The following AUH variants were observed in gnomAD, a reference collection of about 807,000 sequenced individuals.
AUH encodes AU RNA binding methylglutaconyl-CoA hydratase.
A neutral mutation model predicts 42.3 loss-of-function variants in AUH; 29 were observed. The observed-to-expected ratio is 0.69, with a 90% CI of 0.51 to 0.93. The LOEUF is 0.93. Among genes scored for constraint, AUH ranks in the 40% least tolerant of loss-of-function variants. The probability of loss-of-function intolerance (pLI) is 0.00; values close to 1 mark genes in which losing one functional copy is unlikely to be tolerated. For missense variants in AUH, 452 were observed against 438.1 expected, an observed-to-expected ratio of 1.03 and a Z score of -0.28; for synonymous variants, 174 against 166.4, an observed-to-expected ratio of 1.05 and a Z score of -0.35.
chr9:91,257,889 C>T lies in AUH; in HGVS notation c.656-36897G>A, dbSNP rs564412986. 1.1e-4 allele frequency among the ~76,000 whole-genome samples: 16 copies of T among 152,296 alleles called. No individual in the cohort carries two copies. The South Asian group carries it at 3.3e-3, about 32-fold the overall frequency. On this transcript the variant is annotated intron_variant, in intron 6 of 9. Coordinates refer to ENST00000375731, the MANE Select transcript of AUH (RefSeq NM_001698.3). Reference sequence around the variant, plus strand: ...TCAAAATACTTCATCTTCTGATCCACGAACACATTATGTCTCCATTTAAGT... The same window carrying T: ...TCAAAATACTTCATCTTCTGATCCATGAACACATTATGTCTCCATTTAAGT...
Position 91,257,251 on chromosome 9 carries a change from T to G in AUH, c.656-36259A>C, listed in dbSNP as rs77073324. Among the ~76,000 whole-genome samples, 540 of 152,078 alleles carry G rather than the reference T, an allele frequency of 3.6e-3. 20 individuals are homozygous for G. The East Asian group carries it at 0.09, about 25-fold the overall frequency. On this transcript the variant is annotated intron_variant, in intron 6 of 9. Coordinates refer to ENST00000375731, the MANE Select transcript of AUH (RefSeq NM_001698.3). ...GCCATTATTTGGAAACAGCTAGTAG[T>G]CTCTGCCACAGAGACTACTAGAGAC...
At chr9:91,221,267 C>A (rs1827118404) in intron 6 of AUH, among the ~76,000 whole-genome samples, 1 of 152,184 alleles carries the variant, frequency 6.6e-6, no homozygotes, top group Admixed American at 6.5e-5. Flanking sequence ...TGAGTCCAAT[C>A]CACAGTCATC....
chr9:91,353,820 C>CA (rs56842895), intron 3 of AUH, among the ~76,000 whole-genome samples: 1,730 of 27,596 alleles, frequency 0.063, 293 homozygotes, highest in Non-Finnish European at 0.081. Context: ...GACTCCGTCT[C>CA]AAAAAAAAAA....
intron 3 of AUH, among the ~76,000 whole-genome samples, chr9:91,327,694 G>A (rs1374330459): frequency 6.6e-6 from 1 of 152,214 alleles, no homozygotes; most frequent in African/African-American, 2.4e-5. Context: ...CCCCTGGCCG[G>A]CTCGCCAAGC....
At chr9:91,302,341 G>C (rs1827851911) in intron 4 of AUH, among the ~76,000 whole-genome samples, 1 of 152,076 alleles carries the variant, frequency 6.6e-6, no homozygotes. Context: ...TGTAATCCCA[G>C]CACTTTGGGA....
intron 6 of AUH, among the ~76,000 whole-genome samples, chr9:91,293,497 T>G (rs1349619982): frequency 1.3e-5 from 2 of 152,242 alleles, no homozygotes; most frequent in Non-Finnish European, 2.9e-5. Flanking sequence ...AACATTCCCC[T>G]AAGCCAAAGC....
chr9:91,240,997 G>A (rs1049971503), intron 6 of AUH, among the ~76,000 whole-genome samples: 2 of 152,174 alleles, frequency 1.3e-5, no homozygotes, highest in East Asian at 1.9e-4. Context: ...CGATAAGTGC[G>A]TTCTGTGGTC....
At chr9:91,278,862 A>G (rs1310901901) in intron 6 of AUH, among the ~76,000 whole-genome samples, 2 of 152,230 alleles carry the variant, frequency 1.3e-5, no homozygotes, top group East Asian at 1.9e-4. Context: ...ACTTGGATGA[A>G]TATCAAAATA....
chr9:91,316,216 G>A (rs568388419), intron 4 of AUH, among the ~76,000 whole-genome samples: 39 of 152,168 alleles, frequency 2.6e-4, no homozygotes, highest in Non-Finnish European at 5.0e-4. Context: ...AGCTAGTCAA[G>A]ATGAGGAATT....
Position 91,217,139 on chromosome 9 carries a change from A to T in AUH, c.894+138T>A, listed in dbSNP as rs531787520. ...AAATGACGTACTTGCAAGGAACTTCAGTAGCTTTCAGTAATAGTAGCATTT... is the reference window on the plus strand; with the variant it reads ...AAATGACGTACTTGCAAGGAACTTCTGTAGCTTTCAGTAATAGTAGCATTT... On this transcript the variant is annotated intron_variant, in intron 8 of 9. Transcript: ENST00000375731. 61 of 852,220 alleles carry T rather than the reference A, an allele frequency of 7.2e-5. No homozygotes were observed. The South Asian group carries it at 9.5e-4, about 13-fold the overall frequency. The allele number at this position is 852,220 out of a possible 1,614,324, so 52.8% of individuals were successfully genotyped here.
chr9:91,272,405 G>A (rs1245446558), intron 6 of AUH, among the ~76,000 whole-genome samples: 1 of 152,162 alleles, frequency 6.6e-6, no homozygotes, highest in Non-Finnish European at 1.5e-5. Flanking sequence ...TCCCGTCAGT[G>A]TCCTGGGCCA....
intron 6 of AUH, among the ~76,000 whole-genome samples, chr9:91,252,569 G>C (rs991726545): frequency 3.9e-5 from 6 of 152,134 alleles, no homozygotes; most frequent in African/African-American, 1.4e-4. Flanking sequence ...AACAAAGACT[G>C]TGTGTGGCCA....
At chr9:91,227,102 G>C (rs1827545970) in intron 6 of AUH, among the ~76,000 whole-genome samples, 1 of 151,036 alleles carries the variant, frequency 6.6e-6, no homozygotes, top group South Asian at 2.1e-4. Context: ...GGCATTGGTA[G>C]CTTGATGGGG....
intron 6 of AUH, among the ~76,000 whole-genome samples, chr9:91,238,864 G>A (rs1052486799): frequency 6.6e-6 from 1 of 152,168 alleles, no homozygotes; most frequent in Non-Finnish European, 1.5e-5. Flanking sequence ...GCTGCCTCTT[G>A]GGAGCCATGA....
intron 3 of AUH, among the ~76,000 whole-genome samples, chr9:91,345,151 A>G (rs1431035421): frequency 6.6e-6 from 1 of 152,170 alleles, no homozygotes; most frequent in East Asian, 1.9e-4. Context: ...AGAAAAGACA[A>G]AGACGAACAC....
Position 91,361,654 on chromosome 9 carries a change from A to G in AUH, c.236T>C (p.Val79Ala). The G allele has an allele frequency of 6.3e-7, 1 of 1,582,010 alleles. No individual in the cohort carries two copies. Among genetic ancestry groups the G allele is most frequent in the Non-Finnish European group, 8.6e-7 (1 of 1,164,772 alleles). The change falls in exon 1 of 10, where the codon GTG becomes GCG. Residue 79 changes from valine to alanine, a missense_variant. Transcript: ENST00000375731. Reference sequence around the variant, plus strand: ...TCGGTTCTCCTCCTCCAGGTGCCGCACCCGCAGCTCGTCCTCCGTCTTCAT... The same window carrying G: ...TCGGTTCTCCTCCTCCAGGTGCCGCGCCCGCAGCTCGTCCTCCGTCTTCAT... Reference protein sequence around the residue: ...SEMKTEDELRVRHLEEENRGI... With the variant: ...SEMKTEDELRARHLEEENRGI...
chr9:91,358,440 C>T (rs575861949), intron 1 of AUH, among the ~76,000 whole-genome samples: 1 of 152,256 alleles, frequency 6.6e-6, no homozygotes, highest in African/African-American at 2.4e-5. Flanking sequence ...GTTACTTAAC[C>T]TCTGTGATCC....
At position 91,214,436 on chromosome 9, in the gene AUH, C is replaced by A; in HGVS notation, c.943-11G>T. 1 of 1,588,284 alleles carries A rather than the reference C, an allele frequency of 6.3e-7. No individual in the cohort carries two copies. ...TTTTGTTGGAATGGTCTAAGAAAAACAAAATATTAAATATGTCAAAAATGT... is the reference window on the plus strand; with the variant it reads ...TTTTGTTGGAATGGTCTAAGAAAAAAAAAATATTAAATATGTCAAAAATGT... On this transcript the variant is annotated splice_polypyrimidine_tract_variant and intron_variant, in intron 9 of 9. Transcript: ENST00000375731.
intron 6 of AUH, among the ~76,000 whole-genome samples, chr9:91,257,556 C>A (rs1047482452): frequency 1.3e-5 from 2 of 152,208 alleles, no homozygotes; most frequent in South Asian, 2.1e-4. Context: ...AGGAGAATAA[C>A]AAACAGATCA....
Sources: gnomAD v4.1 joint callset for allele counts (sites outside exome capture counted in the v4.1 genomes callset) on GRCh38, gnomAD v4.1.1 for gene constraint, MANE v1.5 for transcripts, NCBI Gene and HGNC (gene_info 2026-07-23, HGNC 2026-07-21) for gene names.